Variants in FBXO10 observed in about 807,000 individuals in gnomAD.
The protein encoded by FBXO10 is F-box only protein 10.
In FBXO10, 39 loss-of-function variants were observed where a neutral mutation model predicts 80.7. The observed-to-expected ratio is 0.48, with a 90% CI of 0.37 to 0.63. FBXO10 has a LOEUF of 0.63. FBXO10 is among the 30% of genes least tolerant of loss of function. FBXO10 has a pLI of 0.00. For missense variants in FBXO10, 1,025 were observed against 1,269.0 expected, an observed-to-expected ratio of 0.81 and a Z score of 2.92; for synonymous variants, 449 against 489.6, an observed-to-expected ratio of 0.92 and a Z score of 1.09.
rs752717063 is a variant in FBXO10, at chr9:37,542,124, C to T, written c.-6-350G>A. Among the ~76,000 whole-genome samples, 20 of 152,180 alleles carry T rather than the reference C, an allele frequency of 1.3e-4. 1 individual carries two copies. Among genetic ancestry groups the T allele is most frequent in the South Asian group, 4.2e-4 (2 of 4,818 alleles). On this transcript the variant is annotated intron_variant, in intron 1 of 10. Transcript: ENST00000432825. ...GATTACAGGCGTGAGCCACCACACC[C>T]GGCCTCCAGTCCCTTTCTTAAAATA...
At chr9:37,557,221 C>T (rs1399963999) in intron 1 of FBXO10, among the ~76,000 whole-genome samples, 1 of 152,196 alleles carries the variant, frequency 6.6e-6, no homozygotes, top group Non-Finnish European at 1.5e-5. Context: ...ACCATCATCA[C>T]AAGACAGTAG....
intron 8 of FBXO10, among the ~76,000 whole-genome samples, 196 bp downstream of exon 8, chr9:37,521,373 C>T (rs922670190): frequency 2.6e-5 from 4 of 152,174 alleles, no homozygotes; most frequent in African/African-American, 9.7e-5. Flanking sequence ...AGCGCCTCTG[C>T]CTGGCCGCTG....
At chr9:37,522,045 G>C (rs749831861) in intron 7 of FBXO10, 1 of 603,850 alleles carries the variant, frequency 1.7e-6, no homozygotes. Flanking sequence ...TCACAAGCTC[G>C]GCTCGTTCCA....
intron 7 of FBXO10, 98 bp downstream of exon 7, chr9:37,522,727 A>T (rs989920846): frequency 1.0e-5 from 14 of 1,394,120 alleles, no homozygotes; most frequent in Non-Finnish European, 1.4e-5. Flanking sequence ...GAGGTCTTTG[A>T]GGCACAGGGA....
intron 1 of FBXO10, among the ~76,000 whole-genome samples, chr9:37,571,801 T>G (rs909255153): frequency 9.0e-5 from 13 of 144,614 alleles, no homozygotes; most frequent in African/African-American, 3.4e-4. Context: ...GAGACATGAA[T>G]AGACAGTTCA....
intron 1 of FBXO10, among the ~76,000 whole-genome samples, chr9:37,558,813 CTTT>C (rs34174564): frequency 6.9e-6 from 1 of 144,822 alleles, no homozygotes. Context: ...GAAAGAAAAT[CTTT>C]TTTTTTTTTT....
intron 1 of FBXO10, among the ~76,000 whole-genome samples, chr9:37,565,352 C>T (rs953165354): frequency 3.9e-5 from 6 of 152,164 alleles, no homozygotes; most frequent in African/African-American, 1.4e-4. Flanking sequence ...AATGTGACCT[C>T]CAGCTAGGGA....
chr9:37,555,990 T>G (rs1330978107), intron 1 of FBXO10, among the ~76,000 whole-genome samples: 1 of 152,252 alleles, frequency 6.6e-6, no homozygotes, highest in East Asian at 1.9e-4. Flanking sequence ...TGATCCATCA[T>G]GAATTAATTT....
At chr9:37,530,078 C>T (rs897024629) in intron 4 of FBXO10, among the ~76,000 whole-genome samples, 1 of 152,098 alleles carries the variant, frequency 6.6e-6, no homozygotes, top group Non-Finnish European at 1.5e-5. Flanking sequence ...TTTCTCTTTC[C>T]CATTCCAGTT....
intron 4 of FBXO10, among the ~76,000 whole-genome samples, chr9:37,529,591 C>T (rs148054240): frequency 1.8e-3 from 272 of 152,258 alleles, no homozygotes; most frequent in African/African-American, 6.3e-3. Context: ...AATCATTTGG[C>T]CAGGCCATAA....
At chr9:37,560,935 G>A (rs371026053) in intron 1 of FBXO10, among the ~76,000 whole-genome samples, 1 of 152,130 alleles carries the variant, frequency 6.6e-6, no homozygotes, top group East Asian at 1.9e-4. Context: ...GAGGTCAGGA[G>A]ATTGAGACCA....
intron 10 of FBXO10, among the ~76,000 whole-genome samples, chr9:37,514,607 G>A (rs1171300024): frequency 3.9e-5 from 6 of 152,112 alleles, no homozygotes; most frequent in African/African-American, 7.2e-5. Flanking sequence ...AGGCCAAGGC[G>A]GGTGGATCAC....
chr9:37,563,175 C>G (rs1382619993), intron 1 of FBXO10, among the ~76,000 whole-genome samples: 1 of 152,144 alleles, frequency 6.6e-6, no homozygotes, highest in Non-Finnish European at 1.5e-5. Flanking sequence ...TCCTGCCACC[C>G]CGTGAAGAGG....
intron 8 of FBXO10, among the ~76,000 whole-genome samples, chr9:37,520,269 A>AT (rs1427252915): frequency 6.9e-6 from 1 of 144,584 alleles, no homozygotes; most frequent in Admixed American, 7.0e-5. Context: ...CTACACAGTA[A>AT]TTATTTTTTT....
intron 8 of FBXO10, among the ~76,000 whole-genome samples, chr9:37,519,524 G>A (rs1236362604): frequency 6.6e-6 from 1 of 152,124 alleles, no homozygotes; most frequent in East Asian, 1.9e-4. Flanking sequence ...GCAGGACAAT[G>A]ACTGGGGCCC....
chr9:37,531,357 C>T (rs1016627877), intron 4 of FBXO10, among the ~76,000 whole-genome samples: 1 of 152,214 alleles, frequency 6.6e-6, no homozygotes, highest in African/African-American at 2.4e-5. Flanking sequence ...AAACCTGCTT[C>T]TCAGGAAGAG....
chr9:37,554,610 C>T (rs1822292013), intron 1 of FBXO10, among the ~76,000 whole-genome samples: 1 of 152,190 alleles, frequency 6.6e-6, no homozygotes, highest in African/African-American at 2.4e-5. Context: ...TCTCTTATCT[C>T]CTCAAATTCC....
chr9:37,542,780 T>C (rs978303952), intron 1 of FBXO10, among the ~76,000 whole-genome samples: 1 of 152,204 alleles, frequency 6.6e-6, no homozygotes, highest in Non-Finnish European at 1.5e-5. Flanking sequence ...TCTTGGAATC[T>C]ACAGTTCTTC....
intron 1 of FBXO10, among the ~76,000 whole-genome samples, chr9:37,560,044 C>T (rs1300445906): frequency 1.3e-5 from 2 of 152,120 alleles, no homozygotes; most frequent in African/African-American, 2.4e-5. Context: ...CCCTTGGAGC[C>T]ACTGGTGCTC....
Sources: gnomAD v4.1 joint callset for allele counts (sites outside exome capture counted in the v4.1 genomes callset) on GRCh38, gnomAD v4.1.1 for gene constraint, MANE v1.5 for transcripts, NCBI Gene and HGNC (gene_info 2026-07-23, HGNC 2026-07-21) for gene names.